The following WDR46 variants were observed in gnomAD, a reference collection of about 807,000 sequenced individuals.
WDR46 encodes WD repeat-containing protein 46.
WDR46 carries 58 observed loss-of-function variants against 74.7 expected under a neutral mutation model. That is an observed-to-expected ratio of 0.78 (90% CI 0.63 to 0.97). The LOEUF (loss-of-function observed/expected upper bound fraction) is 0.97, where lower values mean the gene tolerates loss of function less well. Ranked by LOEUF, WDR46 falls within the 50% of genes least tolerant of loss-of-function variation. The pLI, the probability that WDR46 is intolerant of heterozygous loss-of-function variation, is 0.00. For missense variants in WDR46, 702 were observed against 790.1 expected (o/e 0.89, Z 1.34); for synonymous variants, 278 against 297.3 (o/e 0.93, Z 0.67).
rs1001922739 is a variant in WDR46 at position 33,287,373 on chromosome 6, G to C, written c.861C>G (p.His287Gln). 20 of 1,612,802 alleles carry C rather than the reference G, an allele frequency of 1.2e-5. No individual in the cohort carries two copies. Among genetic ancestry groups the C allele is most frequent in the Non-Finnish European group, 1.7e-5 (20 of 1,179,846 alleles). The change falls in exon 8 of 15, where the codon CAC (histidine) becomes CAG (glutamine). Residue 287 changes from histidine (H) to glutamine (Q), a missense_variant. Transcript: ENST00000374617. ...RVTRLEFLPF[H>Q]FLLATASETG... Reference sequence around the variant, plus strand: ...CACTCACAGCTGTAGCCAGGAGGAAGTGGAAGGGCAGGAACTCAAGCCGTG... The same window carrying C: ...CACTCACAGCTGTAGCCAGGAGGAACTGGAAGGGCAGGAACTCAAGCCGTG...
chr6:33,288,712 G>C lies in WDR46; in HGVS notation c.280-18C>G. On this transcript the variant is annotated intron_variant, in intron 2 of 14. Transcript: ENST00000374617. ...TCTTGGGTCTAGGGGAAAGGAGGAC[G>C]CAATTAGCAGACAGCCTTGGATTGA... The C allele has an allele frequency of 1.2e-6, 2 of 1,612,576 alleles. No homozygotes were observed. Among genetic ancestry groups the C allele is most frequent in the Non-Finnish European group, 1.7e-6 (2 of 1,179,016 alleles).
chr6:33,280,385 A>G, intron 12 of WDR46, 43 bp downstream of exon 12: 1 of 1,542,126 alleles, frequency 6.5e-7, no homozygotes. Flanking sequence ...GACCCTCTCC[A>G]GCAATGGGGG....
intron 10 of WDR46, among the ~76,000 whole-genome samples, chr6:33,282,190 G>A (rs1766242677): frequency 6.6e-6 from 1 of 152,186 alleles, no homozygotes; most frequent in African/African-American, 2.4e-5. Context: ...TTGCCAAGAG[G>A]CCAAGGAGTC....
rs1201933488 is a variant in WDR46 at position 33,279,493 on chromosome 6, T to C, written c.1734+4A>G. 1 of 1,612,552 alleles carries C rather than the reference T, an allele frequency of 6.2e-7. No individual in the cohort carries two copies. The highest frequency in any genetic ancestry group is 8.5e-7 in the Non-Finnish European group (1 of 1,180,026). The stretch of plus-strand genomic sequence containing the variant: ...AGGCCCGGCCCATGCCAATGCTCAT[T>C]TACCCTGTGTTCCTCATCCATGACC... On this transcript the variant is annotated splice_donor_region_variant and intron_variant, in intron 14 of 14. Coordinates refer to ENST00000374617, the MANE Select transcript of WDR46 (RefSeq NM_005452.6).
intron 10 of WDR46, among the ~76,000 whole-genome samples, chr6:33,283,566 T>C (rs1456841384): frequency 1.3e-5 from 2 of 152,112 alleles, no homozygotes; most frequent in East Asian, 1.9e-4. Flanking sequence ...GATGGACACA[T>C]TGAGTCTGGG....
At chr6:33,286,987 CA>C (rs1766707836) in intron 9 of WDR46, 93 bp from the exon 10 acceptor site, 1 of 1,578,420 alleles carries the variant, frequency 6.3e-7, no homozygotes, top group Admixed American at 1.9e-5. Flanking sequence ...CAAGAGATAA[CA>C]AAAAAGGGAA....
At chr6:33,279,931 G>A (rs1765979084) in intron 12 of WDR46, 72 bp from the exon 13 acceptor site, 2 of 1,496,498 alleles carry the variant, frequency 1.3e-6, no homozygotes, top group Non-Finnish European at 1.8e-6. Flanking sequence ...AGAAGCCAGG[G>A]AGGCTGCTGA....
intron 10 of WDR46, among the ~76,000 whole-genome samples, chr6:33,281,297 G>A (rs747251517): frequency 3.7e-4 from 56 of 152,248 alleles, no homozygotes; most frequent in Non-Finnish European, 7.4e-4. Context: ...CAAGACACGG[G>A]CGTCAAAAGG....
Position 33,279,144 on chromosome 6 carries a change from C to T in WDR46, c.*132G>A. 7.6e-7 allele frequency: 1 copy of T among 1,320,366 alleles called. No individual in the cohort carries two copies. The allele number at this position is 1,320,366 out of a possible 1,614,324, so 81.8% of individuals were successfully genotyped here. ...GCTTTCCTCTTTAATACCAACCCACCCCAGGAGACAGCTGTCCACCCCCAG... is the reference window on the plus strand; with the variant it reads ...GCTTTCCTCTTTAATACCAACCCACTCCAGGAGACAGCTGTCCACCCCCAG... On this transcript the variant is annotated 3_prime_UTR_variant, in exon 15 of 15. Transcript: ENST00000374617.
At chr6:33,281,409 G>A (rs1167196605) in intron 10 of WDR46, among the ~76,000 whole-genome samples, 1 of 152,000 alleles carries the variant, frequency 6.6e-6, no homozygotes, top group African/African-American at 2.4e-5. Flanking sequence ...GGTCAGAAAG[G>A]CTTCATGGGA....
At chr6:33,286,224 A>T (rs941362209) in intron 10 of WDR46, among the ~76,000 whole-genome samples, 1 of 152,158 alleles carries the variant, frequency 6.6e-6, no homozygotes, top group African/African-American at 2.4e-5. Flanking sequence ...AGGCGGGCAG[A>T]TCACTTGAGG....
rs1385339680 is a variant in WDR46 at position 33,288,228 on chromosome 6, C to T, written c.481G>A (p.Glu161Lys). Residue 161 changes from glutamate to lysine, a missense_variant, in exon 5 of 15, where the codon GAA becomes AAA. Coordinates refer to ENST00000374617, the MANE Select transcript of WDR46 (RefSeq NM_005452.6). ...LLLAEEPGFL[E>K]GEDGEDTAKI... ...GCTGTGTCTTCCCCATCCTCCCCTT[C>T]CAGAAACCTGAAAGCAAGGGTTAGG... 1 of 1,614,228 alleles carries T rather than the reference C, an allele frequency of 6.2e-7. No individual in the cohort carries two copies. Among genetic ancestry groups the T allele is most frequent in the Admixed American group, 1.7e-5 (1 of 60,026 alleles).
intron 10 of WDR46, among the ~76,000 whole-genome samples, chr6:33,286,498 T>C (rs1453812563): frequency 6.6e-6 from 1 of 152,192 alleles, no homozygotes; most frequent in Non-Finnish European, 1.5e-5. Context: ...AATGCCTACA[T>C]GGTACCCTTT....
At chr6:33,281,846 CT>C (rs25635) in intron 10 of WDR46, among the ~76,000 whole-genome samples, 1 of 68,816 alleles carries the variant, frequency 1.5e-5, no homozygotes, top group Non-Finnish European at 3.5e-5. Context: ...AGTTCCTTTT[CT>C]TTTTTTGAGA....
At position 33,279,437 on chromosome 6, in the gene WDR46, G is replaced by A. The variant is rs1765921321; in HGVS notation, c.1734+60C>T. On this transcript the variant is annotated intron_variant, in intron 14 of 14. Coordinates refer to ENST00000374617, the MANE Select transcript of WDR46 (RefSeq NM_005452.6). ...GAGAAGTGGCAGGCTGACAAGGGCA[G>A]AGGCACAAGCAGGAGGGTGCAGCCT... 5.0e-6 allele frequency: 8 copies of A among 1,610,694 alleles called. No homozygotes were observed. In the South Asian group the frequency reaches 7.7e-5, roughly 15 times the overall value.
Position 33,279,384 on chromosome 6 carries a change from G to C in WDR46, c.1735-10C>G. 1 of 1,613,374 alleles carries C rather than the reference G, an allele frequency of 6.2e-7. No homozygotes were observed. Among genetic ancestry groups the C allele is most frequent in the Non-Finnish European group, 8.5e-7 (1 of 1,180,048 alleles). On this transcript the variant is annotated splice_polypyrimidine_tract_variant and intron_variant, in intron 14 of 14. Coordinates refer to ENST00000374617, the MANE Select transcript of WDR46 (RefSeq NM_005452.6). ...TCTGCCGGACCTTGTCCTGGGGACCGGAGACGGGGAGGACACAGGCACAGA... is the reference window on the plus strand; with the variant it reads ...TCTGCCGGACCTTGTCCTGGGGACCCGAGACGGGGAGGACACAGGCACAGA...
chr6:33,280,314 G>A (rs363958), intron 12 of WDR46, 114 bp downstream of exon 12: 2 of 1,074,774 alleles, frequency 1.9e-6, no homozygotes, highest in South Asian at 1.4e-5. Context: ...TTCTCCAGCA[G>A]GGGGGAACCT....
rs1254108441 is a variant in WDR46, at chr6:33,279,356, G to A, written c.1753C>T (p.Leu585Phe). ...EEHRDKVRQS[L>F]QQQHHKEAKA... is the part of the protein sequence containing the mutation. The stretch of plus-strand genomic sequence containing the variant: ...GCCTCCTTATGATGCTGCTGCTGAA[G>A]GCTCTGCCGGACCTTGTCCTGGGGA... The change falls in exon 15 of 15, where the codon CTT becomes TTT. Residue 585 changes from leucine to phenylalanine, a missense_variant. Physicochemically the swap from Leu to Phe is conservative, Grantham distance 22. Coordinates refer to ENST00000374617, the MANE Select transcript of WDR46 (RefSeq NM_005452.6). 2 of 1,614,102 alleles carry A rather than the reference G, an allele frequency of 1.2e-6. No homozygotes were observed. The highest frequency in any genetic ancestry group is 2.2e-5 in the South Asian group (2 of 91,092).
chr6:33,288,756 C>G lies in WDR46; in HGVS notation c.279+48G>C, dbSNP rs369611721. The G allele has an allele frequency of 9.5e-5, 154 of 1,613,458 alleles. 1 individual carries two copies. Among genetic ancestry groups the G allele is most frequent in the Admixed American group, 1.2e-4 (7 of 59,904 alleles). ...GGATTGACCCCAACCCTCTCACTCT[C>G]AAGGAACGAGGCGGCCTGCCTCGCC... is the stretch of plus-strand genomic sequence containing the variant. On this transcript the variant is annotated intron_variant, in intron 2 of 14. Transcript: ENST00000374617.
Sources: gnomAD v4.1 joint callset for allele counts (sites outside exome capture counted in the v4.1 genomes callset) on GRCh38, gnomAD v4.1.1 for gene constraint, MANE v1.5 for transcripts, NCBI Gene and HGNC (gene_info 2026-07-23, HGNC 2026-07-21) for gene names.